The following ANO5 variants were observed in gnomAD, a reference collection of about 807,000 sequenced individuals.
ANO5 encodes the protein anoctamin-5.
A neutral mutation model predicts 121.0 loss-of-function variants in ANO5; 109 were observed. The observed-to-expected ratio is 0.90, with a 90% confidence interval of 0.77 to 1.06. The LOEUF (loss-of-function observed/expected upper bound fraction) is 1.06. Ranked by LOEUF, ANO5 falls within the 50% of genes least tolerant of loss-of-function variation. The probability of loss-of-function intolerance (pLI) is 0.00; values close to 1 mark genes in which losing one functional copy is unlikely to be tolerated. For missense variants in ANO5, 1,064 were observed against 1,078.5 expected, an observed-to-expected ratio of 0.99 and a Z score of 0.19; for synonymous variants, 406 against 359.9, an observed-to-expected ratio of 1.13 and a Z score of -1.45.
At chr11:22,206,778 G>A (rs2133533966) in intron 2 of ANO5, among the ~76,000 whole-genome samples, 1 of 152,132 alleles carries the variant, frequency 6.6e-6, no homozygotes, top group East Asian at 1.9e-4. Context: ...ATTTTAACCT[G>A]ATAAGGAGCA....
At chr11:22,274,795 G>A (rs560866753) in intron 20 of ANO5, 48 bp downstream of exon 20, 22 of 1,588,090 alleles carry the variant, frequency 1.4e-5, no homozygotes, top group Middle Eastern at 1.7e-4. Flanking sequence ...TCCCTTAAGC[G>A]TATTTCTTAA....
At chr11:22,267,843 C>CA (rs1350514942) in intron 17 of ANO5, among the ~76,000 whole-genome samples, 23 of 152,072 alleles carry the variant, frequency 1.5e-4, no homozygotes, top group Non-Finnish European at 3.2e-4. Context: ...ATTTAGCTCC[C>CA]ACTTATAAGT....
chr11:22,211,123 C>T, intron 2 of ANO5, 141 bp from the exon 3 acceptor site: 1 of 897,054 alleles, frequency 1.1e-6, no homozygotes, highest in Non-Finnish European at 1.8e-6. Context: ...TATATGCCCA[C>T]AGTTTTGCAT....
In ANO5 at chr11:22,255,284, T is replaced by C. The variant is rs1853960989; in HGVS notation, c.1181-87T>C. ...ATAGCCACCTGAAACATGTGAACCA[T>C]CCTGCAACCAAAGTAATTAAAGGGA... On this transcript the variant is annotated intron_variant, in intron 12 of 21. Coordinates refer to ENST00000324559, the MANE Select transcript of ANO5 (RefSeq NM_213599.3). 3 of 1,088,596 alleles carry C rather than the reference T, an allele frequency of 2.8e-6. No individual in the cohort carries two copies. In the South Asian group the frequency reaches 5.1e-5, roughly 19 times the overall value. 67.4% of individuals were successfully genotyped at this position (1,088,596 alleles called of 1,614,324 possible).
At chr11:22,257,269 A>G (rs562525419) in intron 13 of ANO5, among the ~76,000 whole-genome samples, 1 of 152,292 alleles carries the variant, frequency 6.6e-6, no homozygotes, top group East Asian at 1.9e-4. Flanking sequence ...TGAAAAATAT[A>G]AAGAAAGCAT....
At chr11:22,250,598 C>A in intron 10 of ANO5, 143 bp from the exon 11 acceptor site, 1 of 1,026,418 alleles carries the variant, frequency 9.7e-7, no homozygotes, top group Non-Finnish European at 1.5e-6. Flanking sequence ...CAAAGCATGA[C>A]TTGACCCACT....
chr11:22,263,127 C>T lies in ANO5; in HGVS notation c.1898+84C>T, dbSNP rs896076919. ...GAAGAAGATGGAATTTTTTGATTACCATGGTGCCTTTGTTAGAAAATGTTT... is the reference window on the plus strand; with the variant it reads ...GAAGAAGATGGAATTTTTTGATTACTATGGTGCCTTTGTTAGAAAATGTTT... On this transcript the variant is annotated intron_variant, in intron 17 of 21. Transcript: ENST00000324559. The T allele has an allele frequency of 3.5e-6, 4 of 1,145,396 alleles. No homozygotes were observed. The African/African-American group carries it at 4.6e-5, about 13-fold the overall frequency. The allele number at this position is 1,145,396 out of a possible 1,614,324, so 71.0% of individuals were successfully genotyped here.
chr11:22,192,479 C>T (rs1174115080), upstream of ANO5, among the ~76,000 whole-genome samples: 2 of 152,170 alleles, frequency 1.3e-5, no homozygotes, highest in Admixed American at 6.5e-5. Context: ...AGTCAATACT[C>T]CCGCTCCAGA....
intron 18 of ANO5, among the ~76,000 whole-genome samples, chr11:22,271,739 TTTA>T (rs773923876): frequency 6.6e-6 from 1 of 152,178 alleles, no homozygotes; most frequent in Non-Finnish European, 1.5e-5. Context: ...TTCTACACAT[TTTA>T]TTGTTGTGAA....
chr11:22,218,230 A>G lies in ANO5; in HGVS notation c.139-16A>G, dbSNP rs1249816360. 2 of 1,612,656 alleles carry G rather than the reference A, an allele frequency of 1.2e-6. No individual in the cohort carries two copies. Among genetic ancestry groups the G allele is most frequent in the South Asian group, 2.2e-5 (2 of 91,050 alleles). On this transcript the variant is annotated splice_polypyrimidine_tract_variant and intron_variant, in intron 3 of 21. Coordinates refer to ENST00000324559, the MANE Select transcript of ANO5 (RefSeq NM_213599.3). ...TCTGGGCAGGAAGTGCTAATTCTTT[A>G]TTGGTTGCTTCACAGCCTGCAAAGC...
intron 4 of ANO5, among the ~76,000 whole-genome samples, chr11:22,219,908 T>TTA (rs397709115): frequency 1.3e-5 from 2 of 150,558 alleles, no homozygotes; most frequent in Non-Finnish European, 1.5e-5. Flanking sequence ...TTTTTTTTTT[T>TTA]AATTCTTAGT....
intron 1 of ANO5, among the ~76,000 whole-genome samples, chr11:22,202,247 A>G (rs1047079434): frequency 2.0e-5 from 3 of 152,144 alleles, no homozygotes; most frequent in African/African-American, 4.8e-5. Context: ...TAACCAATGT[A>G]CAGATCAAAA....
intron 17 of ANO5, among the ~76,000 whole-genome samples, chr11:22,269,243 GA>G (rs1206506808): frequency 1.1e-4 from 8 of 72,370 alleles, no homozygotes; most frequent in Admixed American, 4.5e-4. Context: ...GAAGGAAGGA[GA>G]AAAAAAGAAA....
rs1855074954 is a variant in ANO5, at chr11:22,281,450, T to G, written c.*1685T>G. 6.6e-6 allele frequency: 1 copy of G among 152,020 alleles called. No homozygotes were observed. The highest frequency in any genetic ancestry group is 2.4e-5 in the African/African-American group (1 of 41,442). The allele number at this position is 152,020 out of a possible 1,614,324, so 9.4% of individuals were successfully genotyped here. ...TCCACTGAGTAGACTTTATGAATAT[T>G]TTGGGTAATTTGAAATGATCTCATT... On this transcript the variant is annotated 3_prime_UTR_variant, in exon 22 of 22. Transcript: ENST00000324559.
Position 22,259,472 on chromosome 11 carries a change from CAG to C in ANO5, c.1408-43_1408-42del, listed in dbSNP as rs780262054. 6 of 1,505,302 alleles carry C rather than the reference CAG, an allele frequency of 4.0e-6. No homozygotes were observed. In the East Asian group the frequency reaches 1.4e-4, roughly 34 times the overall value. 93.2% of individuals were successfully genotyped at this position (1,505,302 alleles called of 1,614,324 possible). Reference sequence around the variant, plus strand: ...CAATATGTTAGATATATATTCATAACAGAGATACAGAGACCCAAATAGCAGTT... The same window carrying C: ...CAATATGTTAGATATATATTCATAACAGATACAGAGACCCAAATAGCAGTT... On this transcript the variant is annotated intron_variant, in intron 14 of 21. Coordinates refer to ENST00000324559, the MANE Select transcript of ANO5 (RefSeq NM_213599.3).
chr11:22,273,952 A>G (rs2133792396), intron 19 of ANO5, among the ~76,000 whole-genome samples: 1 of 152,190 alleles, frequency 6.6e-6, no homozygotes, highest in African/African-American at 2.4e-5. Flanking sequence ...TTTAAAGCGT[A>G]GCACTAAAAT....
intron 18 of ANO5, among the ~76,000 whole-genome samples, chr11:22,272,519 A>ATTCC (rs1854658818): frequency 6.6e-6 from 1 of 152,186 alleles, no homozygotes; most frequent in East Asian, 1.9e-4. Context: ...GAGGAATAGA[A>ATTCC]TCTTCCTTGT....
chr11:22,218,833 G>A (rs557486757), intron 4 of ANO5, among the ~76,000 whole-genome samples: 1 of 151,990 alleles, frequency 6.6e-6, no homozygotes, highest in African/African-American at 2.4e-5. Flanking sequence ...AAAGTGCTGG[G>A]ATTACAGGCA....
At chr11:22,238,278 G>GT (rs377518041) in intron 8 of ANO5, among the ~76,000 whole-genome samples, 89,487 of 136,748 alleles carry the variant, frequency 0.65, 31,235 homozygotes, top group Non-Finnish European at 0.8. Flanking sequence ...AGACCTCATA[G>GT]TTTTTTTTTT....
Sources: allele counts gnomAD v4.1 joint callset (sites outside exome capture counted in the v4.1 genomes callset), GRCh38; gene constraint gnomAD v4.1.1; transcripts MANE v1.5; gene names NCBI Gene and HGNC (gene_info 2026-07-23, HGNC 2026-07-21).